PSMC3: variants seen among roughly 807,000 people sequenced by gnomAD.
PSMC3 encodes the protein proteasome 26S subunit, ATPase 3.
Under a neutral mutation model 52.0 loss-of-function variants are expected in PSMC3, and 11 were observed. The ratio of observed to expected loss-of-function variants is 0.21; its 90% CI spans 0.13 to 0.35. The LOEUF is 0.35. Ranked by LOEUF, PSMC3 falls within the 10% of genes least tolerant of loss-of-function variation. The pLI is 1.00. For synonymous variants in PSMC3, 201 were observed against 218.8 expected, an observed-to-expected ratio of 0.92 and a Z score of 0.72; for missense variants, 238 against 567.1, an observed-to-expected ratio of 0.42 and a Z score of 5.89.
chr11:47,419,431 T>C (rs1007785539), intron 10 of PSMC3, among the ~76,000 whole-genome samples: 1 of 152,202 alleles, frequency 6.6e-6, no homozygotes, highest in African/African-American at 2.4e-5. Flanking sequence ...TCTGGCCTTC[T>C]AGAAATCTGC....
At chr11:47,423,001 G>A in intron 6 of PSMC3, 28 bp from the exon 7 acceptor site, 1 of 1,589,976 alleles carries the variant, frequency 6.3e-7, no homozygotes, top group Non-Finnish European at 8.6e-7. Context: ...TGGGTGAGGA[G>A]ATGAAGCCCT....
rs1265764428 is a variant in PSMC3 at position 47,426,261 on chromosome 11, T to TA, written c.18dup (p.Ile7TyrfsTer2). 1.3e-6 allele frequency: 2 copies of TA among 1,555,618 alleles called. No homozygotes were observed. The highest frequency in any genetic ancestry group is 8.7e-7 in the Non-Finnish European group (1 of 1,149,372). On this transcript the variant is annotated frameshift_variant, in exon 1 of 12. Transcript: ENST00000298852. LOFTEE classifies it high-confidence loss of function. ...TCCTGCCGAGTCACTGGACTCTCAA[T>TA]ATTCGGCAGCAGATTCATTTCCTGG...
rs753776335 is a variant in PSMC3 at position 47,420,325 on chromosome 11, T to C, written c.1066A>G (p.Met356Val). 1.9e-6 allele frequency: 3 copies of C among 1,614,078 alleles called. No homozygotes were observed. The highest frequency in any genetic ancestry group is 2.5e-6 in the Non-Finnish European group (3 of 1,180,036). ...GRLDRKIEFP[M>V]PNEEARARIM... ...CTGGCCCGGGCCTCCTCATTGGGCA[T>C]CGGGAACTCTATCTTGCGGTCAAGG... The change falls in exon 10 of 12, where the codon ATG (methionine) becomes GTG (valine). Residue 356 changes from methionine (M) to valine (V), a missense_variant. Transcript: ENST00000298852.
intron 10 of PSMC3, 79 bp from the exon 11 acceptor site, chr11:47,419,276 G>T: frequency 6.8e-7 from 1 of 1,471,528 alleles, no homozygotes; most frequent in Non-Finnish European, 9.5e-7. Flanking sequence ...CCCTGGCCCC[G>T]TCAAGCAACA....
chr11:47,423,069 T>G, intron 6 of PSMC3, 96 bp from the exon 7 acceptor site: 1 of 1,288,310 alleles, frequency 7.8e-7, no homozygotes, highest in South Asian at 1.4e-5. Flanking sequence ...TCCCTCCTAC[T>G]CTAACTCAGG....
intron 6 of PSMC3, 53 bp downstream of exon 6, chr11:47,423,993 T>G: frequency 6.2e-7 from 1 of 1,612,542 alleles, no homozygotes; most frequent in Non-Finnish European, 8.5e-7. Flanking sequence ...ATCAATGGCG[T>G]GGAGAAACTA....
At chr11:47,421,777 C>A (rs950153145) in intron 8 of PSMC3, among the ~76,000 whole-genome samples, 14 of 151,910 alleles carry the variant, frequency 9.2e-5, no homozygotes, top group Admixed American at 2.6e-4. Flanking sequence ...CTCAGCCTCC[C>A]AAGTAGCTGG....
Position 47,418,871 on chromosome 11 carries a change from C to T in PSMC3, c.1284G>A (p.Gln428=), listed in dbSNP as rs370364290. The part of the protein sequence containing the change: ...EDYMEGILEV[Q]AKKKANLQYY... ...ATTGTAGGTTGGCTTTCTTCTTGGC[C>T]TGCACCTCCAGGATGCCTTCCATGT... The change falls in exon 12 of 12, where the codon CAG becomes CAA. Residue 428 remains glutamine (Q), a synonymous_variant. Transcript: ENST00000298852. The T allele has an allele frequency of 4.0e-5, 65 of 1,614,094 alleles. No individual in the cohort carries two copies. The highest frequency in any genetic ancestry group is 1.4e-5 in the Non-Finnish European group (17 of 1,180,028).
At chr11:47,425,320 G>A (rs1365075340) in intron 2 of PSMC3, 74 bp from the exon 3 acceptor site, 1 of 1,581,554 alleles carries the variant, frequency 6.3e-7, no homozygotes, top group African/African-American at 1.3e-5. Context: ...AACTAGTGAG[G>A]TCCAGGGTGC....
chr11:47,419,845 C>T (rs1048963486), intron 10 of PSMC3, among the ~76,000 whole-genome samples: 7 of 149,330 alleles, frequency 4.7e-5, no homozygotes, highest in Admixed American at 1.3e-4. Flanking sequence ...GGCGACAGAG[C>T]GAGACACTGT....
Position 47,422,563 on chromosome 11 carries a change from C to T in PSMC3, c.884+11G>A, listed in dbSNP as rs778188287. 9.9e-6 allele frequency: 16 copies of T among 1,613,730 alleles called. No individual in the cohort carries two copies. The highest frequency in any genetic ancestry group is 5.0e-5 in the Admixed American group (3 of 59,970). On this transcript the variant is annotated intron_variant, in intron 8 of 11. Transcript: ENST00000298852. The surrounding 1 kb of genome is among the most constrained non-coding windows in gnomAD (Gnocchi z 4.3). ...CACAGAGATCGCTAGGGACCCTTGG[C>T]CCTCCCTTACCGCTTGGTGCCGATG...
At chr11:47,426,093 C>A (rs1005148043) in intron 1 of PSMC3, 112 bp downstream of exon 1, 16 of 1,432,912 alleles carry the variant, frequency 1.1e-5, no homozygotes, top group Non-Finnish European at 1.4e-5. Flanking sequence ...CCCAAACAAC[C>A]CCGTCCCCGG....
At chr11:47,423,041 C>T (rs1020394703) in intron 6 of PSMC3, 68 bp from the exon 7 acceptor site, 26 of 1,462,154 alleles carry the variant, frequency 1.8e-5, no homozygotes, top group Non-Finnish European at 2.2e-5. Flanking sequence ...CCCTTCATGG[C>T]TCCAACCCCA....
In PSMC3 at chr11:47,422,944, G is replaced by A. The variant is rs1208711586; in HGVS notation, c.621C>T (p.Asn207=). 6.2e-7 allele frequency: 1 copy of A among 1,613,252 alleles called. No individual in the cohort carries two copies. The highest frequency in any genetic ancestry group is 8.5e-7 in the Non-Finnish European group (1 of 1,179,646). Residue 207 remains asparagine (N), a synonymous_variant, in exon 7 of 12, where the codon AAC becomes AAT. Transcript: ENST00000298852. This position sits in a 1 kb window ranked among gnomAD's most constrained non-coding sequence, Gnocchi z 4.3. ...ELVEAIVLPM[N]HKEKFENLGI... ...CCAAGTTCTCAAACTTCTCCTTGTG[G>A]TTCATTGGCAAGACAATGGCCTCCA...
Position 47,424,356 on chromosome 11 carries a change from C to G in PSMC3, c.453+73G>C. On this transcript the variant is annotated intron_variant, in intron 5 of 11. Coordinates refer to ENST00000298852, the MANE Select transcript of PSMC3 (RefSeq NM_002804.5). This position sits in a 1 kb window ranked among gnomAD's most constrained non-coding sequence, Gnocchi z 4.8. ...CTGTTCTGCCAAGATTCAGAGCCAA[C>G]AGTGACCTGGGGCGGGTACAGGGGC... The G allele has an allele frequency of 1.9e-6, 3 of 1,575,596 alleles. No homozygotes were observed. The highest frequency in any genetic ancestry group is 2.6e-6 in the Non-Finnish European group (3 of 1,145,850).
chr11:47,424,588 A>G lies in PSMC3; in HGVS notation c.390+19T>C, dbSNP rs749094868. 4 of 1,609,214 alleles carry G rather than the reference A, an allele frequency of 2.5e-6. No individual in the cohort carries two copies. The Admixed American group carries it at 6.7e-5, about 27-fold the overall frequency. ...GCTCCTCACCCTCCTCCAGTCTCTC[A>G]TTGCTGAGCCACGCTCACCTGTCGT... On this transcript the variant is annotated intron_variant, in intron 4 of 11. Coordinates refer to ENST00000298852, the MANE Select transcript of PSMC3 (RefSeq NM_002804.5). The surrounding 1 kb of genome is among the most constrained non-coding windows in gnomAD (Gnocchi z 4.8).
chr11:47,425,265 G>C lies in PSMC3; in HGVS notation c.160-19C>G. 2 of 1,613,802 alleles carry C rather than the reference G, an allele frequency of 1.2e-6. No homozygotes were observed. The highest frequency in any genetic ancestry group is 1.1e-5 in the South Asian group (1 of 91,076). ...TCATGATCTGAGATCAGGAGGGGAG[G>C]AGAAGCAAATATAAACCCTGGCACA... is the stretch of plus-strand genomic sequence containing the variant. On this transcript the variant is annotated intron_variant, in intron 2 of 11. Transcript: ENST00000298852.
At position 47,424,209 on chromosome 11, in the gene PSMC3, G is replaced by C; in HGVS notation, c.454-26C>G. The C allele has an allele frequency of 6.2e-7, 1 of 1,614,198 alleles. No homozygotes were observed. Among genetic ancestry groups the C allele is most frequent in the Non-Finnish European group, 8.5e-7 (1 of 1,180,028 alleles). ...CTAAGGACACAGCACAGGGCCTTCA[G>C]ATTTGGCCCAGCTCAAGGGCTACCC... is the stretch of plus-strand genomic sequence containing the variant. On this transcript the variant is annotated intron_variant, in intron 5 of 11. Transcript: ENST00000298852. The surrounding 1 kb of genome is among the most constrained non-coding windows in gnomAD (Gnocchi z 4.8).
At chr11:47,423,340 G>A (rs892792199) in intron 6 of PSMC3, among the ~76,000 whole-genome samples, 4 of 151,792 alleles carry the variant, frequency 2.6e-5, no homozygotes, top group East Asian at 1.9e-4. Flanking sequence ...CGCGGAGCTC[G>A]TAGTGAGCCA....
Sources: allele counts gnomAD v4.1 joint callset (sites outside exome capture counted in the v4.1 genomes callset), GRCh38; gene constraint gnomAD v4.1.1; non-coding constraint Gnocchi (gnomAD v3.1); transcripts MANE v1.5; gene names NCBI Gene and HGNC (gene_info 2026-07-23, HGNC 2026-07-21).